Variants in PLAAT2 observed in about 807,000 individuals in gnomAD.
The protein encoded by PLAAT2 is HRAS like suppressor 2.
A neutral mutation model predicts 12.8 loss-of-function variants in PLAAT2; 12 were observed. That is an observed-to-expected ratio of 0.94 (90% CI 0.60 to 1.52). PLAAT2 has a LOEUF of 1.52. Among genes scored for constraint, PLAAT2 ranks in the 40% most tolerant of loss-of-function variants. The probability of loss-of-function intolerance (pLI) is 0.00; values close to 1 mark genes in which losing one functional copy is unlikely to be tolerated. For missense variants in PLAAT2, 166 were observed against 208.1 expected (o/e 0.80, Z 1.24); for synonymous variants, 79 against 86.8 (o/e 0.91, Z 0.50).
At chr11:63,563,787 G>A (rs556722494), upstream of PLAAT2, among the ~76,000 whole-genome samples, 3 of 151,930 alleles carry the variant, frequency 2.0e-5, no homozygotes, top group South Asian at 6.2e-4. Flanking sequence ...TTCAAACAGG[G>A]GCAGAGCACA....
intron 1 of PLAAT2, among the ~76,000 whole-genome samples, chr11:63,561,737 A>G (rs2134374715): frequency 6.6e-6 from 1 of 151,254 alleles, no homozygotes; most frequent in Non-Finnish European, 1.5e-5. Flanking sequence ...AGACATCACC[A>G]CTAAAAACTA....
intron 1 of PLAAT2, among the ~76,000 whole-genome samples, chr11:63,562,589 T>G (rs770891366): frequency 6.6e-6 from 1 of 152,196 alleles, no homozygotes; most frequent in Non-Finnish European, 1.5e-5. Context: ...CTCTCTGACT[T>G]TTGGGCAGCC....
intron 2 of PLAAT2, among the ~76,000 whole-genome samples, chr11:63,559,303 CA>C (rs1251434219): frequency 6.6e-6 from 1 of 152,052 alleles, no homozygotes; most frequent in Admixed American, 6.5e-5. Flanking sequence ...ACCTTGTCTC[CA>C]AAAAGGTAAA....
Position 63,558,618 on chromosome 11 carries a change from AG to A in PLAAT2, c.160del (p.Leu54Ter). 1 of 1,614,242 alleles carries A rather than the reference AG, an allele frequency of 6.2e-7. No individual in the cohort carries two copies. Among genetic ancestry groups the A allele is most frequent in the South Asian group, 1.1e-5 (1 of 91,090 alleles). ...GAGAASVLSA[L>X]TNKAIVKKEL... The stretch of plus-strand genomic sequence containing the variant: ...CTTCTTCACTATGGCTTTGTTGGTC[AG>A]GGCAGACAGGACACTGGCCGCACCA... On this transcript the variant is annotated frameshift_variant, in exon 3 of 4. Coordinates refer to ENST00000255695, the MANE Select transcript of PLAAT2 (RefSeq NM_017878.2). LOFTEE classifies it high-confidence loss of function.
intron 2 of PLAAT2, 113 bp from the exon 3 acceptor site, chr11:63,558,773 G>C: frequency 7.7e-7 from 1 of 1,300,002 alleles, no homozygotes; most frequent in Non-Finnish European, 1.1e-6. Flanking sequence ...GGAAGGACTT[G>C]TCCATCCTGC....
rs76877914 is a variant in PLAAT2 at position 63,553,049 on chromosome 11, G to C, written c.404C>G (p.Thr135Arg). ...SRSDQVTGAVTTVGVAAGLLA... is the reference protein window; with the variant it reads ...SRSDQVTGAVRTVGVAAGLLA... ...CAGGCCTGCTGCCACACCTACTGTC[G>C]TGACTGCACCAGTGACCTGCAGCAG... The change falls in exon 4 of 4, where the codon ACG (threonine) becomes AGG (arginine). Residue 135 changes from threonine to arginine, a missense_variant. Transcript: ENST00000255695. The C allele has an allele frequency of 3.1e-6, 5 of 1,612,930 alleles. No homozygotes were observed. In the African/African-American group the frequency reaches 6.7e-5, roughly 22 times the overall value.
rs942237839 is a variant in PLAAT2, at chr11:63,558,293, G to A, written c.387+99C>T. 24 of 1,348,528 alleles carry A rather than the reference G, an allele frequency of 1.8e-5. No individual in the cohort carries two copies. The Admixed American group carries it at 4.4e-4, about 25-fold the overall frequency. The allele number at this position is 1,348,528 out of a possible 1,614,324, so 83.5% of individuals were successfully genotyped here. A position where few individuals can be genotyped will look rare whatever the true frequency, so the allele number is the denominator to read the frequency against. ...ATATCTGCTATTTTGTCTTGCTCATGTCTATTTCCATCCCACCCTGGCCCC... is the reference window on the plus strand; with the variant it reads ...ATATCTGCTATTTTGTCTTGCTCATATCTATTTCCATCCCACCCTGGCCCC... On this transcript the variant is annotated intron_variant, in intron 3 of 3. Transcript: ENST00000255695.
upstream of PLAAT2, chr11:63,563,468 C>A (rs1463629662): frequency 3.2e-6 from 3 of 929,000 alleles, no homozygotes; most frequent in African/African-American, 3.3e-5. Context: ...CCTGTAATCC[C>A]AGCACTTTGA....
intron 3 of PLAAT2, among the ~76,000 whole-genome samples, chr11:63,553,416 G>A (rs916213826): frequency 2.0e-5 from 3 of 151,618 alleles, no homozygotes; most frequent in Non-Finnish European, 4.4e-5. Flanking sequence ...GAGATGGGCC[G>A]ATTGCTTGAG....
chr11:63,555,706 G>A (rs143727632), intron 3 of PLAAT2, among the ~76,000 whole-genome samples: 2 of 152,108 alleles, frequency 1.3e-5, no homozygotes, highest in African/African-American at 4.8e-5. Context: ...ATGCTGTCTC[G>A]AAAATAAAAT....
At chr11:63,555,329 A>T (rs193104534) in intron 3 of PLAAT2, among the ~76,000 whole-genome samples, 324 of 152,280 alleles carry the variant, frequency 2.1e-3, no homozygotes, top group African/African-American at 6.4e-3. Context: ...TGGAAAAAAA[A>T]TTTTTTAAAG....
At chr11:63,562,046 T>C (rs904276202) in intron 1 of PLAAT2, among the ~76,000 whole-genome samples, 2 of 152,148 alleles carry the variant, frequency 1.3e-5, no homozygotes, top group African/African-American at 4.8e-5. Context: ...CCTAACTGAA[T>C]TGTCCTCACG....
chr11:63,557,992 C>CTT (rs1274344650), intron 3 of PLAAT2, among the ~76,000 whole-genome samples: 2 of 152,280 alleles, frequency 1.3e-5, no homozygotes, highest in Admixed American at 1.3e-4. Context: ...AGGTTTAACT[C>CTT]CCCCGCTCTT....
In PLAAT2 at chr11:63,563,372, C is replaced by T. The variant is rs1426486643; in HGVS notation, c.-48G>A. The T allele has an allele frequency of 6.2e-7, 1 of 1,612,746 alleles. No individual in the cohort carries two copies. The highest frequency in any genetic ancestry group is 8.5e-7 in the Non-Finnish European group (1 of 1,178,924). On this transcript the variant is annotated 5_prime_UTR_variant, in exon 1 of 4. Transcript: ENST00000255695. ...GTGTGTTGCTGACTCTGTGTCCAGC[C>T]TTAAATTAGCTCTGAGTTTCACTTT... is the stretch of plus-strand genomic sequence containing the variant.
chr11:63,553,518 T>C (rs1038056355), intron 3 of PLAAT2, among the ~76,000 whole-genome samples: 12 of 149,116 alleles, frequency 8.0e-5, no homozygotes, highest in African/African-American at 2.5e-4. Flanking sequence ...GTCCAGGTGG[T>C]GCACACCTGT....
intron 1 of PLAAT2, among the ~76,000 whole-genome samples, chr11:63,560,532 A>G (rs1450952654): frequency 2.6e-5 from 4 of 152,170 alleles, no homozygotes; most frequent in Admixed American, 2.6e-4. Context: ...TCAGCTAGTG[A>G]CTGCATGATT....
intron 2 of PLAAT2, 93 bp downstream of exon 2, chr11:63,559,992 G>A (rs2017503155): frequency 1.2e-6 from 1 of 821,846 alleles, no homozygotes. Context: ...TGCCTACTCT[G>A]CTAGACCCTG....
intron 1 of PLAAT2, among the ~76,000 whole-genome samples, chr11:63,562,399 C>A (rs925712955): frequency 1.2e-4 from 18 of 152,152 alleles, no homozygotes; most frequent in Non-Finnish European, 2.4e-4. Flanking sequence ...TAAGCACATA[C>A]CATTATCCTT....
chr11:63,557,336 G>T (rs2017475214), intron 3 of PLAAT2, among the ~76,000 whole-genome samples: 1 of 151,908 alleles, frequency 6.6e-6, no homozygotes, highest in Admixed American at 6.6e-5. Context: ...GACCAGCCTG[G>T]ACAACATGGC....
Sources: gnomAD v4.1 joint callset for allele counts (sites outside exome capture counted in the v4.1 genomes callset) on GRCh38, gnomAD v4.1.1 for gene constraint, MANE v1.5 for transcripts, NCBI Gene and HGNC (gene_info 2026-07-23, HGNC 2026-07-21) for gene names.